TG: variants seen among roughly 807,000 people sequenced by gnomAD.
TG encodes the protein thyroid hormones.
In TG, 270 loss-of-function variants were observed where a neutral mutation model predicts 324.7. That is an observed-to-expected ratio of 0.83 (90% CI 0.75 to 0.92). The LOEUF (loss-of-function observed/expected upper bound fraction) is 0.92, where lower values mean the gene tolerates loss of function less well. TG is among the 40% of genes least tolerant of loss of function. The pLI, the probability that TG is intolerant of heterozygous loss-of-function variation, is 0.00. For missense variants in TG, 3,591 were observed against 3,456.4 expected (o/e 1.04, Z -0.98); for synonymous variants, 1,401 against 1,327.0 (o/e 1.06, Z -1.21).
chr8:133,013,893 C>A, intron 37 of TG, 129 bp downstream of exon 37: 1 of 1,110,608 alleles, frequency 9.0e-7, no homozygotes, highest in South Asian at 1.4e-5. Context: ...GTGGCACTCA[C>A]TTGAGGTAGA....
At position 132,888,018 on chromosome 8, in the gene TG, T is replaced by C. The variant is rs1436984174; in HGVS notation, c.2211T>C (p.Ala737=). The C allele has an allele frequency of 6.2e-7, 1 of 1,614,146 alleles. No individual in the cohort carries two copies. Among genetic ancestry groups the C allele is most frequent in the South Asian group, 1.1e-5 (1 of 91,058 alleles). ...CCTGTCAATTACAGTCTGAGCAAGCTTTCCTCAGGACGGTGCAGGCCCTGC... is the reference window on the plus strand; with the variant it reads ...CCTGTCAATTACAGTCTGAGCAAGCCTTCCTCAGGACGGTGCAGGCCCTGC... The part of the protein sequence containing the change: ...PTPCQLQSEQ[A]FLRTVQALLS... The change falls in exon 10 of 48, where the codon GCT becomes GCC. Residue 737 remains alanine (A), a synonymous_variant. Coordinates refer to ENST00000220616, the MANE Select transcript of TG (RefSeq NM_003235.5).
At chr8:132,972,048 C>G (rs1225974797) in intron 33 of TG, among the ~76,000 whole-genome samples, 175 bp downstream of exon 33, 1 of 152,186 alleles carries the variant, frequency 6.6e-6, no homozygotes, top group African/African-American at 2.4e-5. Context: ...GACATGGCTC[C>G]TAGTCCAGTG....
chr8:132,972,412 A>G, intron 33 of TG, 186 bp from the exon 34 acceptor site: 1 of 663,918 alleles, frequency 1.5e-6, no homozygotes, highest in Non-Finnish European at 2.5e-6. Flanking sequence ...TTGCTCTTAG[A>G]TCAGAGGCTC....
chr8:132,929,277 C>T (rs1822338554), intron 23 of TG, 85 bp downstream of exon 23: 1 of 976,868 alleles, frequency 1.0e-6, no homozygotes, highest in Middle Eastern at 2.1e-4. Context: ...CCAAATCAAA[C>T]CATTAAAACT....
At chr8:132,974,246 G>A (rs148279268) in intron 34 of TG, among the ~76,000 whole-genome samples, 4,832 of 152,058 alleles carry the variant, frequency 0.032, 130 homozygotes, top group Non-Finnish European at 0.047. Context: ...CACCCGCCTC[G>A]GCCTCCCAAA....
chr8:132,964,927 C>T (rs1828326115), intron 29 of TG: 1 of 702,262 alleles, frequency 1.4e-6, no homozygotes, highest in South Asian at 1.5e-5. Flanking sequence ...CTGCCAGATG[C>T]TCCCAGGTAT....
At chr8:133,113,329 C>T in intron 43 of TG, 93 bp from the exon 44 acceptor site, 1 of 1,490,598 alleles carries the variant, frequency 6.7e-7, no homozygotes, top group Non-Finnish European at 9.3e-7. Context: ...CACTGCTTCC[C>T]AGAGAGAAAA....
chr8:132,946,146 A>G (rs1363492239), intron 26 of TG, among the ~76,000 whole-genome samples: 1 of 152,002 alleles, frequency 6.6e-6, no homozygotes, highest in African/African-American at 2.4e-5. Context: ...CTTTGAACTA[A>G]ATGTATTTTC....
Position 132,972,663 on chromosome 8 carries a change from G to A in TG, c.6121G>A (p.Gly2041Arg), listed in dbSNP as rs764376788. 6.2e-7 allele frequency: 1 copy of A among 1,613,440 alleles called. No individual in the cohort carries two copies. The highest frequency in any genetic ancestry group is 8.5e-7 in the Non-Finnish European group (1 of 1,179,948). ...GIQMCSEENG[G>R]AWRILDCGSP... ...TCAGATGTGCAGTGAGGAGAATGGA[G>A]GAGCCTGGCGCATTTTGGACTGTGG... Residue 2041 changes from glycine to arginine, a missense_variant, in exon 34 of 48, where the codon GGA (glycine) becomes AGA (arginine). Physicochemically the swap from Gly to Arg is moderately radical, Grantham distance 125. Transcript: ENST00000220616.
In TG at chr8:132,923,514, T is replaced by G; in HGVS notation, c.4699+6T>G. On this transcript the variant is annotated splice_donor_region_variant and intron_variant, in intron 22 of 47. Coordinates refer to ENST00000220616, the MANE Select transcript of TG (RefSeq NM_003235.5). Reference sequence around the variant, plus strand: ...TGAGGACTCACAGTGTTTGAGTAGGTGCTGGGGGTGAAATCAGTCATGGTT... The same window carrying G: ...TGAGGACTCACAGTGTTTGAGTAGGGGCTGGGGGTGAAATCAGTCATGGTT... 2 of 1,612,082 alleles carry G rather than the reference T, an allele frequency of 1.2e-6. No individual in the cohort carries two copies. The highest frequency in any genetic ancestry group is 8.5e-7 in the Non-Finnish European group (1 of 1,178,346).
At chr8:133,052,691 C>A (rs1189902323) in intron 41 of TG, among the ~76,000 whole-genome samples, 2 of 152,186 alleles carry the variant, frequency 1.3e-5, no homozygotes, top group Non-Finnish European at 2.9e-5. Context: ...TTTGGCAGGG[C>A]ATAAAGCTTA....
intron 11 of TG, 22 bp from the exon 12 acceptor site, chr8:132,897,627 T>G (rs1342429929): frequency 6.2e-7 from 1 of 1,613,918 alleles, no homozygotes; most frequent in Non-Finnish European, 8.5e-7. Context: ...CATATTCTGC[T>G]TTTCTCCTTC....
intron 24 of TG, among the ~76,000 whole-genome samples, chr8:132,935,478 G>A (rs1823443835): frequency 6.6e-6 from 1 of 152,024 alleles, no homozygotes; most frequent in Admixed American, 6.6e-5. Context: ...ACCTCACTCA[G>A]ACTCACTTTT....
intron 35 of TG, chr8:133,002,433 ATCTT>A (rs1833611189): frequency 8.1e-6 from 8 of 983,738 alleles, no homozygotes; most frequent in Non-Finnish European, 9.7e-6. Flanking sequence ...GCCGCCTCAC[ATCTT>A]TCAGCAAGAA....
At chr8:133,058,745 A>G (rs1841913862) in intron 41 of TG, among the ~76,000 whole-genome samples, 1 of 152,168 alleles carries the variant, frequency 6.6e-6, no homozygotes, top group African/African-American at 2.4e-5. Context: ...CGCATGGGAG[A>G]TAGAGGGCTG....
chr8:132,969,392 T>C (rs1829138658), intron 31 of TG, 66 bp from the exon 32 acceptor site: 1 of 1,111,458 alleles, frequency 9.0e-7, no homozygotes, highest in Non-Finnish European at 1.4e-6. Context: ...TTTACTCATT[T>C]GTCCTCATAT....
chr8:133,023,790 G>A (rs1378167630), intron 40 of TG, among the ~76,000 whole-genome samples: 1 of 152,150 alleles, frequency 6.6e-6, no homozygotes, highest in Non-Finnish European at 1.5e-5. Context: ...CTCAGTGGGC[G>A]GGGGATTATG....
chr8:132,927,735 T>G (rs1246841843), intron 22 of TG, among the ~76,000 whole-genome samples: 7 of 152,218 alleles, frequency 4.6e-5, no homozygotes, highest in African/African-American at 1.7e-4. Context: ...CAGAATTTAA[T>G]TAGAAACTGA....
At chr8:133,107,603 C>A (rs944728421) in intron 43 of TG, among the ~76,000 whole-genome samples, 14 of 152,320 alleles carry the variant, frequency 9.2e-5, no homozygotes, top group African/African-American at 3.4e-4. Flanking sequence ...CCAGGTCTTG[C>A]TGAAAATGTG....
Sources: allele counts gnomAD v4.1 joint callset (sites outside exome capture counted in the v4.1 genomes callset), GRCh38; gene constraint gnomAD v4.1.1; transcripts MANE v1.5; gene names NCBI Gene and HGNC (gene_info 2026-07-23, HGNC 2026-07-21).